Variants in GLI4 observed in about 807,000 individuals in gnomAD.
The protein encoded by GLI4 is zinc finger protein GLI4.
A neutral mutation model predicts 30.9 loss-of-function variants in GLI4; 34 were observed. The ratio of observed to expected loss-of-function variants is 1.10; its 90% CI spans 0.84 to 1.47. GLI4 has a LOEUF of 1.47. GLI4 is among the 40% of genes most tolerant of loss of function. GLI4 has a pLI of 0.00. For missense variants in GLI4, 696 were observed against 538.9 expected (o/e 1.29, Z -2.89); for synonymous variants, 277 against 236.7 (o/e 1.17, Z -1.56).
At position 143,275,240 on chromosome 8, in the gene GLI4, A is replaced by G. The variant is rs759570178; in HGVS notation, c.223+438A>G. On this transcript the variant is annotated intron_variant, in intron 3 of 3. Coordinates refer to ENST00000340042, the MANE Select transcript of GLI4 (RefSeq NM_138465.4). ...TTGGAGCTGTGTCCAGGTCCCCTGC[A>G]CCTCCCCCTTGAGAAGCTCCCAGGG... 2.6e-6 allele frequency: 4 copies of G among 1,528,080 alleles called. No homozygotes were observed. The South Asian group carries it at 3.6e-5, about 14-fold the overall frequency. The allele number at this position is 1,528,080 out of a possible 1,614,324, so 94.7% of individuals were successfully genotyped here. A position where few individuals can be genotyped will look rare whatever the true frequency, so the allele number is the denominator to read the frequency against.
intron 2 of GLI4, among the ~76,000 whole-genome samples, chr8:143,274,239 GC>G (rs1812533983): frequency 6.6e-6 from 1 of 152,240 alleles, no homozygotes; most frequent in Non-Finnish European, 1.5e-5. Context: ...ACAGCAGAGA[GC>G]CCCGGAGGGA....
At chr8:143,273,516 G>A (rs543038388) in intron 2 of GLI4, 1 of 152,436 alleles carries the variant, frequency 6.6e-6, no homozygotes, top group East Asian at 1.9e-4. Context: ...GTGAGTGAGT[G>A]GCTGGCTGGA....
rs918021975 is a variant in GLI4, at chr8:143,270,453, C to G, written c.124+933C>G. ...CCCTGCCGTCTCCGCTGCGGTGTCC[C>G]GAGCAACTCCCCAGGGACTGCGAGG... On this transcript the variant is annotated intron_variant, in intron 2 of 3. Coordinates refer to ENST00000340042, the MANE Select transcript of GLI4 (RefSeq NM_138465.4). Among the ~76,000 whole-genome samples the G allele has an allele frequency of 2.6e-5, 4 of 152,322 alleles. No individual in the cohort carries two copies. In the East Asian group the frequency reaches 7.7e-4, roughly 29 times the overall value.
Position 143,276,472 on chromosome 8 carries a change from T to G in GLI4, c.799T>G (p.Tyr267Asp). The G allele has an allele frequency of 6.2e-7, 1 of 1,612,596 alleles. No homozygotes were observed. The highest frequency in any genetic ancestry group is 8.5e-7 in the Non-Finnish European group (1 of 1,179,744). ...GCGCATCCACAACGGCGAGAAGCCC[T>G]ACAAGTGCGGCGAGTGCGGCCAGGC... ...HLRIHNGEKP[Y>D]KCGECGQAFS... is the part of the protein sequence containing the mutation. Residue 267 changes from tyrosine to aspartate, a missense_variant, in exon 4 of 4, where the codon TAC becomes GAC. Transcript: ENST00000340042.
chr8:143,269,145 C>CA (rs1219174224), intron 1 of GLI4, among the ~76,000 whole-genome samples: 1 of 152,128 alleles, frequency 6.6e-6, no homozygotes, highest in African/African-American at 2.4e-5. Flanking sequence ...CCCAGCCACT[C>CA]AAAGCGTTAT....
intron 3 of GLI4, chr8:143,275,525 C>A: frequency 7.9e-7 from 1 of 1,262,768 alleles, no homozygotes; most frequent in South Asian, 3.1e-5. Context: ...TTGAGGCGCC[C>A]TCTGGAGCTC....
chr8:143,274,824 A>G (rs1190759446), intron 3 of GLI4, 22 bp downstream of exon 3: 2 of 1,538,320 alleles, frequency 1.3e-6, no homozygotes, highest in Admixed American at 3.9e-5. Flanking sequence ...GAATCGGGTT[A>G]CTGGGGGACC....
chr8:143,276,900 T>C lies in GLI4; in HGVS notation c.*96T>C, dbSNP rs1191375686. 2 of 761,320 alleles carry C rather than the reference T, an allele frequency of 2.6e-6. No homozygotes were observed. The highest frequency in any genetic ancestry group is 4.1e-6 in the Non-Finnish European group (2 of 485,424). The allele number at this position is 761,320 out of a possible 1,614,324, so 47.2% of individuals were successfully genotyped here. A position where few individuals can be genotyped will look rare whatever the true frequency, so the allele number is the denominator to read the frequency against. ...GCACTGCCCAGCACCGCATGCCACG[T>C]GTCCGGAATAAATTCTTTTTGATTG... On this transcript the variant is annotated 3_prime_UTR_variant, in exon 4 of 4. Transcript: ENST00000340042.
In GLI4 at chr8:143,276,127, G is replaced by A. The variant is rs1319373602; in HGVS notation, c.454G>A (p.Ala152Thr). ...GCGCGTGACGCTCGTGCAGCAAGCAGCGGCCGGGCCCGAGGGTGCGCCCGA... is the reference window on the plus strand; with the variant it reads ...GCGCGTGACGCTCGTGCAGCAAGCAACGGCCGGGCCCGAGGGTGCGCCCGA... ...AWRVTLVQQAAAGPEGAPERA... is the reference protein window; with the variant it reads ...AWRVTLVQQATAGPEGAPERA... The change falls in exon 4 of 4, where the codon GCG (alanine) becomes ACG (threonine). Residue 152 changes from alanine to threonine, a missense_variant. Physicochemically the swap from Ala to Thr is moderately conservative, Grantham distance 58 (BLOSUM62 0). Coordinates refer to ENST00000340042, the MANE Select transcript of GLI4 (RefSeq NM_138465.4). 8 of 1,523,054 alleles carry A rather than the reference G, an allele frequency of 5.3e-6. No individual in the cohort carries two copies. Among genetic ancestry groups the A allele is most frequent in the South Asian group, 1.2e-5 (1 of 80,922 alleles). 94.3% of individuals were successfully genotyped at this position (1,523,054 alleles called of 1,614,324 possible).
Position 143,269,431 on chromosome 8 carries a change from C to A in GLI4, c.35C>A (p.Ser12Tyr), listed in dbSNP as rs1815216049. 3.1e-6 allele frequency: 5 copies of A among 1,606,330 alleles called. No individual in the cohort carries two copies. The highest frequency in any genetic ancestry group is 1.6e-4 in the Middle Eastern group (1 of 6,074). ...CTAGGGGACATTCAGGAGTCCCCTT[C>A]TGTCCCGTCCCCTGTCAGTCTCTCA... ...AALGDIQESPSVPSPVSLSSP... is the reference protein window; with the variant it reads ...AALGDIQESPYVPSPVSLSSP... The change falls in exon 2 of 4, where the codon TCT becomes TAT. Residue 12 changes from serine (S) to tyrosine (Y), a missense_variant. Coordinates refer to ENST00000340042, the MANE Select transcript of GLI4 (RefSeq NM_138465.4).
chr8:143,276,848 C>A lies in GLI4; in HGVS notation c.*44C>A. 1 of 1,224,560 alleles carries A rather than the reference C, an allele frequency of 8.2e-7. No homozygotes were observed. The highest frequency in any genetic ancestry group is 1.1e-6 in the Non-Finnish European group (1 of 890,642). The allele number at this position is 1,224,560 out of a possible 1,614,324, so 75.9% of individuals were successfully genotyped here. A position where few individuals can be genotyped will look rare whatever the true frequency, so the allele number is the denominator to read the frequency against. ...CTCGGCCTCCTACCTGCCCCCAACC[C>A]ACCCTCCACCCCGTCCCCCACGGTG... On this transcript the variant is annotated 3_prime_UTR_variant, in exon 4 of 4. Coordinates refer to ENST00000340042, the MANE Select transcript of GLI4 (RefSeq NM_138465.4).
rs1158273610 is a variant in GLI4, at chr8:143,276,473, A to G, written c.800A>G (p.Tyr267Cys). ...HLRIHNGEKP[Y>C]KCGECGQAFS... ...CGCATCCACAACGGCGAGAAGCCCT[A>G]CAAGTGCGGCGAGTGCGGCCAGGCC... The change falls in exon 4 of 4, where the codon TAC becomes TGC. Residue 267 changes from tyrosine to cysteine, a missense_variant. Physicochemically the swap from Tyr to Cys is radical, Grantham distance 194 (BLOSUM62 -2). Coordinates refer to ENST00000340042, the MANE Select transcript of GLI4 (RefSeq NM_138465.4). The G allele has an allele frequency of 8.7e-6, 14 of 1,612,588 alleles. No homozygotes were observed. Among genetic ancestry groups the G allele is most frequent in the African/African-American group, 1.3e-5 (1 of 74,694 alleles).
chr8:143,270,300 G>C (rs905799594), intron 2 of GLI4, among the ~76,000 whole-genome samples: 1 of 152,238 alleles, frequency 6.6e-6, no homozygotes, highest in African/African-American at 2.4e-5. Flanking sequence ...GAGCAGCTGC[G>C]CTGCATGGGG....
intron 1 of GLI4, among the ~76,000 whole-genome samples, chr8:143,269,151 G>A (rs77677973): frequency 0.057 from 8,599 of 152,120 alleles, 306 homozygotes; most frequent in East Asian, 0.078. Flanking sequence ...CACTCAAAGC[G>A]TTATTCCTTA....
chr8:143,267,510 G>T (rs13272174), intron 1 of GLI4, 26 bp downstream of exon 1: 456,072 of 985,572 alleles, frequency 0.46, 110,257 homozygotes, highest in East Asian at 0.69. Context: ...CGGCGGCGGC[G>T]GCTCCGGGTG....
rs1433982388 is a variant in GLI4 at position 143,276,631 on chromosome 8, G to A, written c.958G>A (p.Glu320Lys). Residue 320 changes from glutamate to lysine, a missense_variant, in exon 4 of 4, where the codon GAG becomes AAG. Glu to Lys is a moderately conservative substitution (Grantham distance 56, BLOSUM62 1). Coordinates refer to ENST00000340042, the MANE Select transcript of GLI4 (RefSeq NM_138465.4). ...LIEHQRIHTGEKPYECSDCGK... is the reference protein window; with the variant it reads ...LIEHQRIHTGKKPYECSDCGK... ...CGAGCACCAGCGCATCCACACTGGC[G>A]AGAAGCCCTACGAGTGCTCCGACTG... 1 of 1,612,540 alleles carries A rather than the reference G, an allele frequency of 6.2e-7. No homozygotes were observed. The highest frequency in any genetic ancestry group is 8.5e-7 in the Non-Finnish European group (1 of 1,179,746).
chr8:143,276,753 C>G lies in GLI4; in HGVS notation c.1080C>G (p.Phe360Leu). ...PFACGACGKA[F>L]GQSSQLIQHQ... ...CGTGTGGCGCCTGCGGCAAGGCCTT[C>G]GGCCAGAGCTCCCAGCTCATCCAGC... Residue 360 changes from phenylalanine (F) to leucine (L), a missense_variant, in exon 4 of 4, where the codon TTC (phenylalanine) becomes TTG (leucine). By Grantham distance (22) the Phe-to-Leu change is conservative. Coordinates refer to ENST00000340042, the MANE Select transcript of GLI4 (RefSeq NM_138465.4). 1.2e-6 allele frequency: 2 copies of G among 1,605,220 alleles called. No homozygotes were observed. The highest frequency in any genetic ancestry group is 1.1e-5 in the South Asian group (1 of 90,470).
At chr8:143,271,094 T>C (rs1451559866) in intron 2 of GLI4, among the ~76,000 whole-genome samples, 2 of 152,156 alleles carry the variant, frequency 1.3e-5, no homozygotes, top group Non-Finnish European at 2.9e-5. Context: ...CATGTCCGAG[T>C]GCCCTGAAAC....
At chr8:143,275,682 C>G in intron 3 of GLI4, 3 of 1,240,990 alleles carry the variant, frequency 2.4e-6, no homozygotes, top group Admixed American at 4.1e-5. Context: ...CTCTGGGTCA[C>G]CCTGCAACGC....
Sources: allele counts gnomAD v4.1 joint callset (sites outside exome capture counted in the v4.1 genomes callset), GRCh38; gene constraint gnomAD v4.1.1; transcripts MANE v1.5; gene names NCBI Gene and HGNC (gene_info 2026-07-23, HGNC 2026-07-21).